MSL2: variants seen among roughly 807,000 people sequenced by gnomAD.
MSL2 encodes MSL complex subunit 2.
MSL2 carries 2 observed loss-of-function variants against 35.8 expected under a neutral mutation model. That is an observed-to-expected ratio of 0.06 (90% CI 0.02 to 0.18). MSL2 has a LOEUF of 0.18. Ranked by LOEUF, MSL2 falls within the 10% of genes least tolerant of loss-of-function variation. The pLI, the probability that MSL2 is intolerant of heterozygous loss-of-function variation, is 1.00. For missense variants in MSL2, 523 were observed against 706.7 expected, an observed-to-expected ratio of 0.74 and a Z score of 2.95; for synonymous variants, 296 against 255.7, an observed-to-expected ratio of 1.16 and a Z score of -1.50.
intron 1 of MSL2, among the ~76,000 whole-genome samples, chr3:136,178,563 C>CA (rs1281343543): frequency 6.8e-6 from 1 of 147,294 alleles, no homozygotes; most frequent in Admixed American, 6.8e-5. Context: ...GACAGGGTCT[C>CA]ACTCTGTCGC....
chr3:136,191,846 A>G (rs146279715), intron 1 of MSL2, among the ~76,000 whole-genome samples: 1 of 152,350 alleles, frequency 6.6e-6, no homozygotes, highest in East Asian at 1.9e-4. Context: ...AACTTGAAGA[A>G]GATAAAGGCA....
intron 1 of MSL2, among the ~76,000 whole-genome samples, chr3:136,191,860 G>A (rs1209398894): frequency 2.6e-5 from 4 of 152,150 alleles, no homozygotes; most frequent in South Asian, 2.1e-4. Context: ...AAAGGCAATT[G>A]GCAAAAAGTT....
intron 1 of MSL2, among the ~76,000 whole-genome samples, chr3:136,161,848 C>T (rs976851209): frequency 2.6e-5 from 4 of 152,070 alleles, no homozygotes; most frequent in Admixed American, 6.5e-5. Flanking sequence ...AACCTTCTAC[C>T]TAATGCCAAT....
chr3:136,179,566 T>G (rs1000161508), intron 1 of MSL2, among the ~76,000 whole-genome samples: 2 of 152,228 alleles, frequency 1.3e-5, no homozygotes, highest in Admixed American at 6.5e-5. Context: ...TTTTCTTCCC[T>G]TGAAGTCATC....
In MSL2 at chr3:136,173,645, G is replaced by A. The variant is rs551868112; in HGVS notation, c.143-20907C>T. On this transcript the variant is annotated intron_variant, in intron 1 of 1. Coordinates refer to ENST00000309993, the MANE Select transcript of MSL2 (RefSeq NM_018133.4). ...TTCATCATTGTTCACCCCGAATTTC[G>A]AGTTTTCTAGCTTATCTCCGTGCCT... 5.3e-5 allele frequency among the ~76,000 whole-genome samples: 8 copies of A among 152,160 alleles called. No homozygotes were observed. The South Asian group carries it at 1.0e-3, about 20-fold the overall frequency.
chr3:136,159,465 AC>A (rs1483483464), intron 1 of MSL2, among the ~76,000 whole-genome samples: 2 of 136,578 alleles, frequency 1.5e-5, no homozygotes, highest in Non-Finnish European at 3.0e-5. Context: ...TCGGGTTCAC[AC>A]CGTTCTCCTG....
chr3:136,195,622 G>C lies in MSL2; in HGVS notation c.-509C>G. On this transcript the variant is annotated 5_prime_UTR_variant, in exon 1 of 2. Coordinates refer to ENST00000309993, the MANE Select transcript of MSL2 (RefSeq NM_018133.4). ...GGCGCGGAGGCGGCGGCGACGGCAA[G>C]GACGACGGTCGGGCAGCGGCTTCCC... The C allele has an allele frequency of 1.0e-6, 1 of 980,634 alleles. No homozygotes were observed. The highest frequency in any genetic ancestry group is 1.2e-6 in the Non-Finnish European group (1 of 825,302). 60.7% of individuals were successfully genotyped at this position (980,634 alleles called of 1,614,324 possible).
intron 1 of MSL2, among the ~76,000 whole-genome samples, chr3:136,180,274 C>T (rs1211619318): frequency 6.6e-6 from 1 of 152,050 alleles, no homozygotes; most frequent in African/African-American, 2.4e-5. Flanking sequence ...GGCTTCAAAA[C>T]GGCATCTACA....
At chr3:136,187,090 C>T (rs1045344945) in intron 1 of MSL2, among the ~76,000 whole-genome samples, 3 of 152,086 alleles carry the variant, frequency 2.0e-5, no homozygotes, top group Non-Finnish European at 2.9e-5. Context: ...CCCACAGATA[C>T]GGAGGATTAG....
chr3:136,183,038 C>G (rs1363226477), intron 1 of MSL2, among the ~76,000 whole-genome samples: 2 of 152,122 alleles, frequency 1.3e-5, no homozygotes, highest in Non-Finnish European at 2.9e-5. Flanking sequence ...AAACAGTCTC[C>G]AAGTAACTTA....
Position 136,152,315 on chromosome 3 carries a change from G to C in MSL2, c.566C>G (p.Ser189Cys). 1 of 1,614,072 alleles carries C rather than the reference G, an allele frequency of 6.2e-7. No individual in the cohort carries two copies. The highest frequency in any genetic ancestry group is 8.5e-7 in the Non-Finnish European group (1 of 1,179,916). ...ESTLSIAIGS[S>C]VINGLPTYNG... ...ATAAGTAGGCAAACCATTGATAACA[G>C]AACTGCCAATAGCAATGCTGAGGGT... The change falls in exon 2 of 2, where the codon TCT becomes TGT. Residue 189 changes from serine to cysteine, a missense_variant. This residue lies in a region of MSL2 where 361 missense variants were observed against 414.6 expected (regional missense o/e 0.87). Transcript: ENST00000309993.
At position 136,190,514 on chromosome 3, in the gene MSL2, C is replaced by T. The variant is rs139213846; in HGVS notation, c.142+4458G>A. Among the ~76,000 whole-genome samples the T allele has an allele frequency of 7.5e-3, 1,128 of 149,962 alleles. 18 individuals carry two copies. The highest frequency in any genetic ancestry group is 0.026 in the African/African-American group (1,065 of 40,732). On this transcript the variant is annotated intron_variant, in intron 1 of 1. Coordinates refer to ENST00000309993, the MANE Select transcript of MSL2 (RefSeq NM_018133.4). ...GAACTATGACTGCACCACTGCACTC[C>T]AGCCTGGGTGACAAAACAAGATTGT...
intron 1 of MSL2, chr3:136,194,254 G>C (rs998061682): frequency 1.5e-5 from 3 of 200,726 alleles, no homozygotes; most frequent in Non-Finnish European, 2.7e-5. Flanking sequence ...AGACAATTTA[G>C]CATATCTCTT....
intron 1 of MSL2, among the ~76,000 whole-genome samples, chr3:136,186,811 G>T (rs973469466): frequency 6.6e-6 from 1 of 152,142 alleles, no homozygotes; most frequent in African/African-American, 2.4e-5. Flanking sequence ...TAATGTGCTT[G>T]AATCATCCTG....
At position 136,151,133 on chromosome 3, in the gene MSL2, A is replaced by G. The variant is rs1223985638; in HGVS notation, c.*14T>C. On this transcript the variant is annotated 3_prime_UTR_variant, in exon 2 of 2. Coordinates refer to ENST00000309993, the MANE Select transcript of MSL2 (RefSeq NM_018133.4). This position sits in a 1 kb window ranked among gnomAD's most constrained non-coding sequence, Gnocchi z 5.2. ...TATTTCCCTACCAGGAGTAGGTTTA[A>G]AAGACCCACTGATTTAACAGTCGAA... 1 of 1,603,660 alleles carries G rather than the reference A, an allele frequency of 6.2e-7. No homozygotes were observed. Among genetic ancestry groups the G allele is most frequent in the Admixed American group, 1.7e-5 (1 of 59,822 alleles).
chr3:136,186,978 G>C (rs927586580), intron 1 of MSL2, among the ~76,000 whole-genome samples: 3 of 152,010 alleles, frequency 2.0e-5, no homozygotes, highest in Non-Finnish European at 2.9e-5. Context: ...GTAATGCTTA[G>C]AGAATCCTGA....
intron 1 of MSL2, among the ~76,000 whole-genome samples, chr3:136,176,983 T>C (rs1047779153): frequency 6.6e-6 from 1 of 152,222 alleles, no homozygotes; most frequent in Non-Finnish European, 1.5e-5. Context: ...CAGAGAACTC[T>C]CCTAAGACAG....
intron 1 of MSL2, among the ~76,000 whole-genome samples, chr3:136,193,108 A>AAAAAAT (rs1166954396): frequency 6.6e-6 from 1 of 152,070 alleles, no homozygotes; most frequent in East Asian, 1.9e-4. Flanking sequence ...CAAGACTGAC[A>AAAAAAT]AAAAATAAAA....
chr3:136,189,307 T>TA (rs776699005), intron 1 of MSL2, among the ~76,000 whole-genome samples: 453 of 113,542 alleles, frequency 4.0e-3, no homozygotes, highest in African/African-American at 5.6e-3. Flanking sequence ...TCGAGAAAAT[T>TA]AAAAAAAAAA....
Sources: allele counts gnomAD v4.1 joint callset (sites outside exome capture counted in the v4.1 genomes callset), GRCh38; gene constraint gnomAD v4.1.1; regional missense constraint gnomAD v4.1.1; non-coding constraint Gnocchi (gnomAD v3.1); transcripts MANE v1.5; gene names NCBI Gene and HGNC (gene_info 2026-07-23, HGNC 2026-07-21).